The following SMARCAD1 variants were observed in gnomAD, a reference collection of about 807,000 sequenced individuals.
SMARCAD1 encodes SWI/SNF-related matrix-associated actin-dependent regulator of chromatin subfamily A containing DEAD/H box 1.
SMARCAD1 carries 25 observed loss-of-function variants against 127.1 expected under a neutral mutation model. The observed-to-expected ratio is 0.20, with a 90% CI of 0.14 to 0.27. The LOEUF (loss-of-function observed/expected upper bound fraction) is 0.27, where lower values mean the gene tolerates loss of function less well. Ranked by LOEUF, SMARCAD1 falls within the 10% of genes least tolerant of loss-of-function variation. The pLI, the probability that SMARCAD1 is intolerant of heterozygous loss-of-function variation, is 1.00. For synonymous variants in SMARCAD1, 400 were observed against 396.9 expected, an observed-to-expected ratio of 1.01 and a Z score of -0.09; for missense variants, 807 against 1,206.0, an observed-to-expected ratio of 0.67 and a Z score of 4.90.
intron 9 of SMARCAD1, chr4:94,253,548 G>A: frequency 9.1e-7 from 1 of 1,101,952 alleles, no homozygotes; most frequent in South Asian, 2.3e-5. Flanking sequence ...ACATGTTTTT[G>A]TTGGTTAAGC....
intron 2 of SMARCAD1, among the ~76,000 whole-genome samples, chr4:94,213,650 G>T (rs551235548): frequency 2.2e-4 from 34 of 152,118 alleles, no homozygotes; most frequent in Non-Finnish European, 4.4e-4. Context: ...ACTGAGGGGA[G>T]TTGTAAATGA....
chr4:94,274,938 A>G lies in SMARCAD1; in HGVS notation c.1781A>G (p.Tyr594Cys), dbSNP rs1753049363. The G allele has an allele frequency of 1.2e-6, 2 of 1,603,302 alleles. No homozygotes were observed. Among genetic ancestry groups the G allele is most frequent in the Non-Finnish European group, 1.7e-6 (2 of 1,171,352 alleles). ...KQIRFNIHSRYEDYNVIVTTY... is the reference protein window; with the variant it reads ...KQIRFNIHSRCEDYNVIVTTY... ...ATTAGATTTAACATTCATAGTAGAT[A>G]TGAAGATTACAATGTAATTGTGACC... Residue 594 changes from tyrosine (Y) to cysteine (C), a missense_variant, in exon 14 of 24, where the codon TAT becomes TGT. By Grantham distance (194) the Tyr-to-Cys change is radical. This residue lies in a region of SMARCAD1 where 148 missense variants were observed against 313.2 expected (regional missense o/e 0.47). Transcript: ENST00000354268.
intron 23 of SMARCAD1, among the ~76,000 whole-genome samples, chr4:94,285,861 G>A (rs753297281): frequency 6.6e-6 from 1 of 152,198 alleles, no homozygotes; most frequent in Admixed American, 6.5e-5. Context: ...GGCTTTGTGT[G>A]CATGTGGCAA....
intron 19 of SMARCAD1, among the ~76,000 whole-genome samples, chr4:94,280,084 C>CG (rs1560566921): frequency 6.6e-6 from 1 of 152,062 alleles, no homozygotes; most frequent in African/African-American, 2.4e-5. Flanking sequence ...AGGCTGGTCT[C>CG]GAACTCCTGA....
chr4:94,226,344 C>T (rs1430257196), intron 3 of SMARCAD1, 48 bp downstream of exon 3: 1 of 1,518,168 alleles, frequency 6.6e-7, no homozygotes. Context: ...GTGAGATTTT[C>T]CAAGAAAAAA....
chr4:94,290,363 T>C lies in SMARCAD1; in HGVS notation c.*829T>C. On this transcript the variant is annotated 3_prime_UTR_variant, in exon 24 of 24. Transcript: ENST00000354268. Reference sequence around the variant, plus strand: ...CTTCTGCTCCAATTCTCTTCCTCTCTAAATAGTAGTTTATTACTGCCACAT... The same window carrying C: ...CTTCTGCTCCAATTCTCTTCCTCTCCAAATAGTAGTTTATTACTGCCACAT... The C allele has an allele frequency of 2.2e-6, 1 of 454,514 alleles. No individual in the cohort carries two copies. Among genetic ancestry groups the C allele is most frequent in the Middle Eastern group, 6.9e-4 (1 of 1,444 alleles). The allele number at this position is 454,514 out of a possible 1,614,324, so 28.2% of individuals were successfully genotyped here.
chr4:94,280,798 C>T lies in SMARCAD1; in HGVS notation c.2607+18C>T, dbSNP rs375567340. 8.1e-6 allele frequency: 13 copies of T among 1,610,840 alleles called. No homozygotes were observed. The highest frequency in any genetic ancestry group is 2.2e-5 in the East Asian group (1 of 44,726). On this transcript the variant is annotated intron_variant, in intron 20 of 23. Coordinates refer to ENST00000354268, the MANE Select transcript of SMARCAD1 (RefSeq NM_020159.5). ...AACAGAAGGTATTAAAAAAGAATGG[C>T]GTTTCTTTTGTATTTTCTCAATTAC...
chr4:94,278,593 T>G, intron 17 of SMARCAD1, 23 bp from the exon 18 acceptor site: 1 of 1,613,068 alleles, frequency 6.2e-7, no homozygotes. Context: ...AATGATTATC[T>G]TAAACTGTTT....
intron 9 of SMARCAD1, among the ~76,000 whole-genome samples, chr4:94,261,084 C>T (rs1212682603): frequency 6.6e-6 from 1 of 151,380 alleles, no homozygotes; most frequent in African/African-American, 2.4e-5. Context: ...TCAGAGTTAC[C>T]TCTCGTGTAA....
intron 2 of SMARCAD1, among the ~76,000 whole-genome samples, chr4:94,220,593 C>T: frequency 6.6e-6 from 1 of 152,114 alleles, no homozygotes; most frequent in Non-Finnish European, 1.5e-5. Context: ...TGAATGTTCC[C>T]TGAGGACTTC....
intron 3 of SMARCAD1, among the ~76,000 whole-genome samples, chr4:94,233,716 G>A (rs1192482606): frequency 1.3e-5 from 2 of 152,076 alleles, no homozygotes; most frequent in African/African-American, 2.4e-5. Context: ...CCTTTTGTTC[G>A]TTTCCATCCC....
At chr4:94,245,654 C>T (rs1007185121) in intron 6 of SMARCAD1, among the ~76,000 whole-genome samples, 1 of 152,182 alleles carries the variant, frequency 6.6e-6, no homozygotes, top group African/African-American at 2.4e-5. Flanking sequence ...TAAGCTGTAA[C>T]TCTTCCAATG....
rs944357271 is a variant in SMARCAD1, at chr4:94,251,598, T to C, written c.889+765T>C. ...ATGTGAAAACATTTGAGGAATACTT[T>C]AGCCAATTCATTTTGCTTATTTTTT... On this transcript the variant is annotated intron_variant, in intron 8 of 23. Transcript: ENST00000354268. Among the ~76,000 whole-genome samples the C allele has an allele frequency of 1.3e-5, 2 of 152,324 alleles. 1 individual carries two copies. Among genetic ancestry groups the C allele is most frequent in the South Asian group, 4.1e-4 (2 of 4,828 alleles).
chr4:94,264,981 G>A, intron 10 of SMARCAD1, 75 bp downstream of exon 10: 2 of 1,435,180 alleles, frequency 1.4e-6, no homozygotes, highest in East Asian at 2.5e-5. Context: ...TCTGTATCGT[G>A]CCTAGAAAGT....
rs749713437 is a variant in SMARCAD1, at chr4:94,289,601, TATG to T, written c.*72_*74del. The T allele has an allele frequency of 8.1e-7, 1 of 1,242,036 alleles. No individual in the cohort carries two copies. The highest frequency in any genetic ancestry group is 1.2e-6 in the Non-Finnish European group (1 of 840,810). 76.9% of individuals were successfully genotyped at this position (1,242,036 alleles called of 1,614,324 possible). On this transcript the variant is annotated 3_prime_UTR_variant, in exon 24 of 24. Coordinates refer to ENST00000354268, the MANE Select transcript of SMARCAD1 (RefSeq NM_020159.5). ...TTGGTGCACTCAAGGACATTTACAT[TATG>T]ATGACCATGGGGTTTATGAACATTT...
At chr4:94,285,196 G>A in intron 23 of SMARCAD1, 127 bp downstream of exon 23, 1 of 616,164 alleles carries the variant, frequency 1.6e-6, no homozygotes, top group Non-Finnish European at 2.9e-6. Flanking sequence ...TGTGTGATGT[G>A]GGAGAAGGTA....
At chr4:94,210,672 G>A (rs1398524862) in intron 2 of SMARCAD1, among the ~76,000 whole-genome samples, 1 of 152,116 alleles carries the variant, frequency 6.6e-6, no homozygotes, top group African/African-American at 2.4e-5. Context: ...ATGCGCGGTG[G>A]CTGAAGCCTG....
chr4:94,221,268 T>C (rs1744078723), intron 2 of SMARCAD1, among the ~76,000 whole-genome samples: 2 of 152,358 alleles, frequency 1.3e-5, no homozygotes, highest in South Asian at 2.1e-4. Flanking sequence ...TTGGAAGATG[T>C]GTATTACTCA....
At chr4:94,231,083 A>G (rs1745766151) in intron 3 of SMARCAD1, among the ~76,000 whole-genome samples, 1 of 152,198 alleles carries the variant, frequency 6.6e-6, no homozygotes, top group African/African-American at 2.4e-5. Flanking sequence ...AAAGATGTAA[A>G]AACAATAAGT....
Sources: gnomAD v4.1 joint callset for allele counts (sites outside exome capture counted in the v4.1 genomes callset) on GRCh38, gnomAD v4.1.1 for gene constraint, gnomAD v4.1.1 regional missense constraint, MANE v1.5 for transcripts, NCBI Gene and HGNC (gene_info 2026-07-23, HGNC 2026-07-21) for gene names.